Variants in CAT observed in about 807,000 individuals in gnomAD.
The protein encoded by CAT is epididymis secretory sperm binding protein.
Under a neutral mutation model 59.0 loss-of-function variants are expected in CAT, and 43 were observed. That is an observed-to-expected ratio of 0.73 (90% CI 0.57 to 0.94). CAT has a LOEUF of 0.94. Among genes scored for constraint, CAT ranks in the 40% least tolerant of loss-of-function variants. CAT has a pLI of 0.00. For synonymous variants in CAT, 218 were observed against 230.9 expected (o/e 0.94, Z 0.51); for missense variants, 664 against 682.9 (o/e 0.97, Z 0.31).
chr11:34,452,024 T>C, intron 3 of CAT, 53 bp from the exon 4 acceptor site: 1 of 1,608,080 alleles, frequency 6.2e-7, no homozygotes, highest in Non-Finnish European at 8.5e-7. Flanking sequence ...TCCAGGCTTC[T>C]TGGATGCAAA....
In CAT at chr11:34,456,170, A is replaced by C. The variant is rs56248816; in HGVS notation, c.871A>C (p.Thr291Pro). 1 of 1,614,058 alleles carries C rather than the reference A, an allele frequency of 6.2e-7. No homozygotes were observed. The highest frequency in any genetic ancestry group is 1.7e-5 in the Admixed American group (1 of 60,018). The part of the protein sequence containing the change: ...IQVMTFNQAE[T>P]FPFNPFDLTK... ...GGTCATGACATTTAATCAGGCAGAA[A>C]CTTTTCCATTTAATCCATTCGATCT... Residue 291 changes from threonine (T) to proline (P), a missense_variant, in exon 7 of 13, where the codon ACT becomes CCT. Thr to Pro is a conservative substitution (Grantham distance 38, BLOSUM62 -1). Coordinates refer to ENST00000241052, the MANE Select transcript of CAT (RefSeq NM_001752.4).
In CAT at chr11:34,456,066, A is replaced by C. The variant is rs1473900508; in HGVS notation, c.767A>C (p.Glu256Ala). The C allele has an allele frequency of 1.2e-6, 2 of 1,614,150 alleles. No homozygotes were observed. Among genetic ancestry groups the C allele is most frequent in the Admixed American group, 1.7e-5 (1 of 60,028 alleles). Residue 256 changes from glutamate (E) to alanine (A), a missense_variant, in exon 7 of 13, where the codon GAA becomes GCA. Glu to Ala is a moderately radical substitution (Grantham distance 107). Transcript: ENST00000241052. The stretch of plus-strand genomic sequence containing the variant: ...GAAGATGCGGCGAGACTTTCCCAGG[A>C]AGATCCTGACTATGGCATCCGGGAT... The part of the protein sequence containing the change: ...SVEDAARLSQ[E>A]DPDYGIRDLF...
chr11:34,461,004 T>G (rs1856643208), intron 8 of CAT: 2 of 553,492 alleles, frequency 3.6e-6, no homozygotes, highest in Non-Finnish European at 6.5e-6. Flanking sequence ...AAAAAGATAT[T>G]ATTACCAAAA....
At chr11:34,464,428 G>T (rs1856690152) in intron 10 of CAT, among the ~76,000 whole-genome samples, 193 bp downstream of exon 10, 1 of 152,144 alleles carries the variant, frequency 6.6e-6, no homozygotes, top group African/African-American at 2.4e-5. Flanking sequence ...CTGGTCTTTT[G>T]CCTCAAAGCA....
chr11:34,442,656 T>C (rs1856405259), intron 1 of CAT, among the ~76,000 whole-genome samples: 1 of 152,074 alleles, frequency 6.6e-6, no homozygotes, highest in African/African-American at 2.4e-5. Flanking sequence ...CCAAAGTGGT[T>C]TGAGGTTGAA....
intron 11 of CAT, among the ~76,000 whole-genome samples, chr11:34,470,431 G>A (rs1019209710): frequency 3.3e-5 from 5 of 152,090 alleles, no homozygotes; most frequent in Non-Finnish European, 7.4e-5. Flanking sequence ...AGGCATGATT[G>A]ATGAAATTAT....
rs1029257782 is a variant in CAT at position 34,471,373 on chromosome 11, G to T, written c.1524G>T (p.Ala508=). ...ATCTTGTTCTTTTAAAACAGAATGC[G>T]ATTCACACCTTTGTGCAGTCCGGAT... is the stretch of plus-strand genomic sequence containing the variant. ...DKYNAEKPKN[A]IHTFVQSGSH... is the part of the protein sequence containing the mutation. The change falls in exon 13 of 13, where the codon GCG becomes GCT. Residue 508 remains alanine, a synonymous_variant. Transcript: ENST00000241052. 3 of 1,613,734 alleles carry T rather than the reference G, an allele frequency of 1.9e-6. No homozygotes were observed. The highest frequency in any genetic ancestry group is 2.5e-6 in the Non-Finnish European group (3 of 1,179,738).
At chr11:34,456,374 A>G (rs981131537) in intron 7 of CAT, among the ~76,000 whole-genome samples, 172 bp downstream of exon 7, 3 of 152,230 alleles carry the variant, frequency 2.0e-5, no homozygotes, top group Non-Finnish European at 4.4e-5. Context: ...TCTTACTTCC[A>G]CGTTCCTGTT....
At chr11:34,457,230 T>TG (rs1856601761) in intron 8 of CAT, among the ~76,000 whole-genome samples, 2 of 138,676 alleles carry the variant, frequency 1.4e-5, no homozygotes, top group African/African-American at 5.3e-5. Flanking sequence ...TTTTTTTTTT[T>TG]GTGACAGAGT....
At chr11:34,444,622 C>G (rs573637554) in intron 1 of CAT, among the ~76,000 whole-genome samples, 1 of 152,208 alleles carries the variant, frequency 6.6e-6, no homozygotes, top group African/African-American at 2.4e-5. Context: ...GTCATTATGA[C>G]TCCTCTGGGA....
chr11:34,456,818 G>C lies in CAT; in HGVS notation c.1056+1G>C, dbSNP rs571047357. On this transcript the variant is annotated splice_donor_variant, in intron 8 of 12. Transcript: ENST00000241052. LOFTEE classifies it high-confidence loss of function. ...GGCCAGTCCTGACAAAATGCTTCAG[G>C]TGAGCCTGGTGGATTGAGATGTTCT... The C allele has an allele frequency of 3.0e-5, 49 of 1,614,158 alleles. 1 individual carries two copies. The South Asian group carries it at 4.6e-4, about 15-fold the overall frequency.
chr11:34,454,051 G>T, intron 6 of CAT, 125 bp downstream of exon 6: 1 of 1,019,102 alleles, frequency 9.8e-7, no homozygotes, highest in Non-Finnish European at 1.5e-6. Context: ...CCAAAGTTGG[G>T]AAGTATTGAT....
In CAT at chr11:34,449,375, G is replaced by A; in HGVS notation, c.238+12G>A. On this transcript the variant is annotated intron_variant, in intron 2 of 12. Transcript: ENST00000241052. ...TGCTAAAGGAGCAGGTAAGTGCTGT[G>A]TTTATTTGCTGTAAAAAGATTGTTT... is the stretch of plus-strand genomic sequence containing the variant. The A allele has an allele frequency of 6.2e-7, 1 of 1,612,072 alleles. No homozygotes were observed.
rs1292436681 is a variant in CAT, at chr11:34,450,971, T to C, written c.239-17T>C. The C allele has an allele frequency of 2.6e-6, 4 of 1,522,962 alleles. No homozygotes were observed. The allele number at this position is 1,522,962 out of a possible 1,614,324, so 94.3% of individuals were successfully genotyped here. The stretch of plus-strand genomic sequence containing the variant: ...GTAATGGTCTCATGGTAAGGATTTC[T>C]GTGTCTTTCTCGTTAGGGGCCTTTG... On this transcript the variant is annotated splice_polypyrimidine_tract_variant and intron_variant, in intron 2 of 12. Coordinates refer to ENST00000241052, the MANE Select transcript of CAT (RefSeq NM_001752.4).
intron 8 of CAT, among the ~76,000 whole-genome samples, chr11:34,459,151 A>C (rs747410419): frequency 3.3e-5 from 5 of 152,184 alleles, no homozygotes; most frequent in Non-Finnish European, 7.3e-5. Context: ...GTGAGGAGCC[A>C]TACAGTTGGG....
rs201097281 is a variant in CAT, at chr11:34,456,060, C to T, written c.761C>T (p.Ser254Phe). Reference protein sequence around the residue: ...NLSVEDAARLSQEDPDYGIRD... With the variant: ...NLSVEDAARLFQEDPDYGIRD... ...TCTGTTGAAGATGCGGCGAGACTTT[C>T]CCAGGAAGATCCTGACTATGGCATC... Residue 254 changes from serine (S) to phenylalanine (F), a missense_variant, in exon 7 of 13, where the codon TCC becomes TTC. Transcript: ENST00000241052. 1.9e-6 allele frequency: 3 copies of T among 1,614,058 alleles called. No individual in the cohort carries two copies. Among genetic ancestry groups the T allele is most frequent in the Non-Finnish European group, 2.5e-6 (3 of 1,180,002 alleles).
intron 4 of CAT, 23 bp downstream of exon 4, chr11:34,452,230 C>T: frequency 1.6e-5 from 25 of 1,610,210 alleles, no homozygotes; most frequent in Non-Finnish European, 2.0e-5. Context: ...GTATTTTGCA[C>T]TCAACAAATG....
intron 1 of CAT, among the ~76,000 whole-genome samples, chr11:34,444,314 C>T (rs1038948334): frequency 1.3e-5 from 2 of 152,114 alleles, no homozygotes; most frequent in African/African-American, 2.4e-5. Flanking sequence ...TAAATAGGGG[C>T]TCTTTCACAA....
At chr11:34,444,947 G>A (rs1466251816) in intron 1 of CAT, among the ~76,000 whole-genome samples, 1 of 152,160 alleles carries the variant, frequency 6.6e-6, no homozygotes, top group Non-Finnish European at 1.5e-5. Context: ...GTGTCTAAAG[G>A]TGTTTGATCA....
Sources: gnomAD v4.1 joint callset for allele counts (sites outside exome capture counted in the v4.1 genomes callset) on GRCh38, gnomAD v4.1.1 for gene constraint, MANE v1.5 for transcripts, NCBI Gene and HGNC (gene_info 2026-07-23, HGNC 2026-07-21) for gene names.